CNBD1: variants seen among roughly 807,000 people sequenced by gnomAD.
CNBD1 encodes the protein cyclic nucleotide-binding domain-containing protein 1.
Under a neutral mutation model 54.4 loss-of-function variants are expected in CNBD1, and 71 were observed. The observed-to-expected ratio is 1.30, with a 90% CI of 1.08 to 1.59. The LOEUF is 1.59. Ranked by LOEUF, CNBD1 falls within the 40% of genes most tolerant of loss-of-function variation. CNBD1 has a pLI of 0.00. For missense variants in CNBD1, 659 were observed against 518.0 expected, an observed-to-expected ratio of 1.27 and a Z score of -2.64; for synonymous variants, 182 against 170.7, an observed-to-expected ratio of 1.07 and a Z score of -0.51.
chr8:86,938,767 C>T (rs1011583316), intron 3 of CNBD1, among the ~76,000 whole-genome samples: 11 of 152,152 alleles, frequency 7.2e-5, no homozygotes, highest in African/African-American at 2.4e-4. Context: ...AACCATATCA[C>T]ATGGTTAGTG....
chr8:87,194,871 T>G (rs1018889635), intron 4 of CNBD1, among the ~76,000 whole-genome samples: 2 of 151,902 alleles, frequency 1.3e-5, no homozygotes, highest in Admixed American at 6.6e-5. Context: ...TTTTTTGTTG[T>G]TTTTTGTTTT....
chr8:87,375,946 G>A (rs1810921654), intron 10 of CNBD1, among the ~76,000 whole-genome samples: 1 of 151,832 alleles, frequency 6.6e-6, no homozygotes, highest in Non-Finnish European at 1.5e-5. Flanking sequence ...TCTCTTGCAG[G>A]AAGAATTGTA....
At chr8:87,406,480 T>A (rs1249502703) in intron 2 of CNBD1, among the ~76,000 whole-genome samples, 13 of 88,264 alleles carry the variant, frequency 1.5e-4, no homozygotes, top group African/African-American at 8.7e-4. Context: ...ACACACACAC[T>A]TTTTTTTTTT....
chr8:87,258,522 C>T (rs914747449), intron 6 of CNBD1, among the ~76,000 whole-genome samples: 1 of 151,888 alleles, frequency 6.6e-6, no homozygotes, highest in South Asian at 2.1e-4. Context: ...AACTCCTAAT[C>T]TCAAGTGATC....
At chr8:87,355,990 T>C (rs2130932034) in intron 10 of CNBD1, among the ~76,000 whole-genome samples, 1 of 152,176 alleles carries the variant, frequency 6.6e-6, no homozygotes, top group African/African-American at 2.4e-5. Flanking sequence ...GGCATGTTTC[T>C]CTTGCTCCTT....
chr8:87,381,165 T>A (rs1811065003), intron 10 of CNBD1, among the ~76,000 whole-genome samples: 1 of 151,964 alleles, frequency 6.6e-6, no homozygotes, highest in South Asian at 2.1e-4. Context: ...CCAAAATATA[T>A]AAGACAATAT....
In CNBD1 at chr8:87,057,568, G is replaced by A. The variant is rs561010465; in HGVS notation, c.431+117814G>A. Among the ~76,000 whole-genome samples, 5 of 152,274 alleles carry A rather than the reference G, an allele frequency of 3.3e-5. No homozygotes were observed. In the South Asian group the frequency reaches 1.0e-3, roughly 32 times the overall value. Reference sequence around the variant, plus strand: ...CCTCACATTTCAAAACACAATCATGGTTGGGCGCAGTGGCCCATCCCTGTA... The same window carrying A: ...CCTCACATTTCAAAACACAATCATGATTGGGCGCAGTGGCCCATCCCTGTA... On this transcript the variant is annotated intron_variant, in intron 4 of 10. Coordinates refer to ENST00000518476, the MANE Select transcript of CNBD1 (RefSeq NM_173538.3).
At chr8:87,326,253 A>G (rs1226199617) in intron 8 of CNBD1, among the ~76,000 whole-genome samples, 1 of 121,630 alleles carries the variant, frequency 8.2e-6, no homozygotes, top group African/African-American at 3.1e-5. Context: ...CCTTCATTTC[A>G]ACTTTGGTGA....
At chr8:87,001,500 G>A (rs2130545344) in intron 4 of CNBD1, among the ~76,000 whole-genome samples, 1 of 152,222 alleles carries the variant, frequency 6.6e-6, no homozygotes, top group Non-Finnish European at 1.5e-5. Context: ...CTCTAATGGA[G>A]CCTATGTGAC....
intron 4 of CNBD1, among the ~76,000 whole-genome samples, chr8:87,159,716 G>A (rs1171026919): frequency 6.6e-6 from 1 of 152,088 alleles, no homozygotes; most frequent in African/African-American, 2.4e-5. Context: ...TAAGGCAAGA[G>A]GTCTACCCCT....
intron 4 of CNBD1, among the ~76,000 whole-genome samples, 170 bp from the exon 5 acceptor site, chr8:87,205,823 C>A (rs928911350): frequency 9.2e-5 from 14 of 152,068 alleles, no homozygotes; most frequent in Non-Finnish European, 1.8e-4. Context: ...GGAAGGGTAA[C>A]AAATCCTAAA....
At chr8:86,932,976 C>T (rs1231586229) in intron 3 of CNBD1, among the ~76,000 whole-genome samples, 2 of 152,082 alleles carry the variant, frequency 1.3e-5, no homozygotes, top group African/African-American at 4.8e-5. Context: ...TATTTAGTGG[C>T]CCTTACCGAC....
At chr8:87,211,062 C>T (rs542641878) in intron 5 of CNBD1, among the ~76,000 whole-genome samples, 65 of 152,296 alleles carry the variant, frequency 4.3e-4, no homozygotes, top group South Asian at 3.3e-3. Context: ...GAGCCCACCA[C>T]TTGTACCAGT....
At chr8:87,254,687 G>A (rs1342189632) in intron 6 of CNBD1, among the ~76,000 whole-genome samples, 1 of 152,082 alleles carries the variant, frequency 6.6e-6, no homozygotes, top group East Asian at 1.9e-4. Context: ...AGTCAGGTGG[G>A]GATTTTCACG....
Position 86,944,001 on chromosome 8 carries a change from G to A in CNBD1, c.431+4247G>A, listed in dbSNP as rs73689971. 8.2e-3 allele frequency among the ~76,000 whole-genome samples: 1,248 copies of A among 152,248 alleles called. 20 individuals are homozygous for A. Among genetic ancestry groups the A allele is most frequent in the African/African-American group, 0.028 (1,147 of 41,536 alleles). On this transcript the variant is annotated intron_variant, in intron 4 of 10. Coordinates refer to ENST00000518476, the MANE Select transcript of CNBD1 (RefSeq NM_173538.3). ...GGCTCACAGCTTAATTTCAGGGATA[G>A]GGAGTCAGATTGTTGTAGTTTATTT...
intron 6 of CNBD1, among the ~76,000 whole-genome samples, chr8:87,251,870 A>G (rs907380346): frequency 1.3e-5 from 2 of 152,098 alleles, no homozygotes; most frequent in Non-Finnish European, 2.9e-5. Flanking sequence ...TTTTAAAAAA[A>G]TACATGTATA....
chr8:86,967,819 A>T (rs1808121911), intron 4 of CNBD1, among the ~76,000 whole-genome samples: 1 of 149,706 alleles, frequency 6.7e-6, no homozygotes, highest in South Asian at 2.1e-4. Flanking sequence ...TTTTTTTTTA[A>T]CCTGCAGTTT....
intron 4 of CNBD1, among the ~76,000 whole-genome samples, chr8:86,971,911 CA>C (rs776628408): frequency 8.5e-5 from 13 of 152,122 alleles, no homozygotes; most frequent in Non-Finnish European, 1.5e-4. Context: ...TTATCTCTCA[CA>C]TAGATATATT....
At position 87,206,241 on chromosome 8, in the gene CNBD1, T is replaced by C. The variant is rs889574277; in HGVS notation, c.577+103T>C. 25 of 930,336 alleles carry C rather than the reference T, an allele frequency of 2.7e-5. No individual in the cohort carries two copies. In the Admixed American group the frequency reaches 4.4e-4, roughly 16 times the overall value. The allele number at this position is 930,336 out of a possible 1,614,324, so 57.6% of individuals were successfully genotyped here. On this transcript the variant is annotated intron_variant, in intron 5 of 10. Coordinates refer to ENST00000518476, the MANE Select transcript of CNBD1 (RefSeq NM_173538.3). ...TATAATTTCACTTAACAATTTCAGT[T>C]GACATGGTAAAAATGTACTATTTGG...
Sources: allele counts gnomAD v4.1 joint callset (sites outside exome capture counted in the v4.1 genomes callset), GRCh38; gene constraint gnomAD v4.1.1; transcripts MANE v1.5; gene names NCBI Gene and HGNC (gene_info 2026-07-23, HGNC 2026-07-21).